NAV2: variants seen among roughly 807,000 people sequenced by gnomAD.
The protein encoded by NAV2 is neuron navigator 2, also known as helicase, APC down-regulated 1.
Under a neutral mutation model 223.2 loss-of-function variants are expected in NAV2, and 54 were observed. The observed-to-expected ratio is 0.24, with a 90% CI of 0.19 to 0.30. NAV2 has a LOEUF of 0.30. NAV2 is among the 10% of genes least tolerant of loss of function. The pLI is 1.00. For synonymous variants in NAV2, 1,279 were observed against 1,239.3 expected (o/e 1.03, Z -0.67); for missense variants, 2,806 against 3,147.5 (o/e 0.89, Z 2.60).
chr11:19,498,322 G>C (rs1045409828), intron 1 of NAV2, among the ~76,000 whole-genome samples: 1 of 152,234 alleles, frequency 6.6e-6, no homozygotes, highest in Admixed American at 6.5e-5. Flanking sequence ...GTCCCCAAAA[G>C]GGGGAGGGCA....
intron 1 of NAV2, among the ~76,000 whole-genome samples, chr11:19,457,846 G>A (rs1399352115): frequency 6.6e-6 from 1 of 152,198 alleles, no homozygotes; most frequent in Non-Finnish European, 1.5e-5. Flanking sequence ...TTGCAGATGA[G>A]TTGCAAACTC....
rs757791922 is a variant in NAV2, at chr11:20,062,319, C to T, written c.4844C>T (p.Ser1615Leu). ...RDGFEEVHGS[S>L]LSLVSSTSSV... ...TTTCTTTTAATAGTTCATGGATCCT[C>T]ACTCTCCTTGGTTTCCAGCACATCG... The change falls in exon 20 of 38, where the codon TCA (serine) becomes TTA (leucine). Residue 1615 changes from serine to leucine, a missense_variant. By Grantham distance (145) the Ser-to-Leu change is moderately radical. Around this residue, in one of 4 missense-constraint regions of NAV2, gnomAD observed 824 missense variants for 1,069.4 expected, o/e 0.77. Coordinates refer to ENST00000349880, the MANE Select transcript of NAV2 (RefSeq NM_145117.5). The T allele has an allele frequency of 1.2e-6, 2 of 1,610,690 alleles. No individual in the cohort carries two copies. The highest frequency in any genetic ancestry group is 1.7e-6 in the Non-Finnish European group (2 of 1,179,002).
chr11:20,022,550 T>C (rs961705175), intron 11 of NAV2: 8 of 985,520 alleles, frequency 8.1e-6, no homozygotes, highest in Non-Finnish European at 7.2e-6. Flanking sequence ...ATTCTCTCTG[T>C]AGGCTAATCT....
chr11:19,880,200 T>C, intron 5 of NAV2, 73 bp downstream of exon 5: 1 of 1,460,898 alleles, frequency 6.8e-7, no homozygotes, highest in Non-Finnish European at 9.1e-7. Context: ...CTCTAGGCTA[T>C]CCTGTATGGC....
At position 20,107,442 on chromosome 11, in the gene NAV2, C is replaced by G. The variant is rs1279878978; in HGVS notation, c.6842-222C>G. ...CACAGTGAGCATCTTCCCCATAAAG[C>G]CTTTCCTGGAGGAGGGAGACCCCCA... On this transcript the variant is annotated intron_variant, in intron 35 of 37. Transcript: ENST00000349880. 7 of 569,468 alleles carry G rather than the reference C, an allele frequency of 1.2e-5. No individual in the cohort carries two copies. In the Admixed American group the frequency reaches 2.0e-4, roughly 16 times the overall value. The allele number at this position is 569,468 out of a possible 1,614,324, so 35.3% of individuals were successfully genotyped here.
chr11:19,906,292 A>G (rs547673271), intron 6 of NAV2, among the ~76,000 whole-genome samples: 1 of 152,310 alleles, frequency 6.6e-6, no homozygotes, highest in African/African-American at 2.4e-5. Context: ...GAAAGAGGAC[A>G]CCAGTTTTTG....
At chr11:19,917,859 C>T (rs1258597150) in intron 6 of NAV2, among the ~76,000 whole-genome samples, 3 of 152,172 alleles carry the variant, frequency 2.0e-5, no homozygotes, top group African/African-American at 2.4e-5. Context: ...TCAGGTGATC[C>T]GCCTACCTTG....
Position 19,934,183 on chromosome 11 carries a change from A to G in NAV2, c.1939A>G (p.Thr647Ala). The G allele has an allele frequency of 6.2e-7, 1 of 1,614,002 alleles. No homozygotes were observed. Residue 647 changes from threonine (T) to alanine (A), a missense_variant, in exon 7 of 38, where the codon ACC (threonine) becomes GCC (alanine). By Grantham distance (58) the Thr-to-Ala change is moderately conservative. Coordinates refer to ENST00000349880, the MANE Select transcript of NAV2 (RefSeq NM_145117.5). ...CAGTGGGTCTGTCGGGACCACCCAG[A>G]CCACAGGAAGCAATACCGTCAGTGT... is the stretch of plus-strand genomic sequence containing the variant. ...TVSGSVGTTQ[T>A]TGSNTVSVQL...
intron 1 of NAV2, among the ~76,000 whole-genome samples, chr11:19,628,423 A>G (rs923209205): frequency 2.0e-5 from 3 of 152,230 alleles, no homozygotes; most frequent in African/African-American, 4.8e-5. Context: ...GCTCCTGGCA[A>G]TCAGGGCACA....
intron 1 of NAV2, among the ~76,000 whole-genome samples, chr11:19,382,694 G>A (rs547733419): frequency 6.6e-6 from 1 of 152,324 alleles, no homozygotes; most frequent in South Asian, 2.1e-4. Context: ...GTCAGACATT[G>A]TTCTAAGTGC....
intron 6 of NAV2, among the ~76,000 whole-genome samples, chr11:19,897,210 A>G (rs186479982): frequency 6.6e-6 from 1 of 152,180 alleles, no homozygotes; most frequent in East Asian, 1.9e-4. Flanking sequence ...AGGAAAGGGA[A>G]CATCACACAC....
chr11:19,775,649 G>A (rs953204316), intron 1 of NAV2, among the ~76,000 whole-genome samples: 1 of 152,178 alleles, frequency 6.6e-6, no homozygotes. Flanking sequence ...AAACAATGAC[G>A]ATGAGACAAC....
intron 1 of NAV2, among the ~76,000 whole-genome samples, chr11:19,779,764 C>T (rs1432053453): frequency 4.6e-5 from 7 of 152,332 alleles, no homozygotes; most frequent in Admixed American, 2.6e-4. Context: ...GTAAATGAGA[C>T]ATAATCTGTC....
chr11:20,083,408 C>G (rs888987603), intron 26 of NAV2, among the ~76,000 whole-genome samples: 2 of 152,174 alleles, frequency 1.3e-5, no homozygotes, highest in Non-Finnish European at 2.9e-5. Flanking sequence ...ACTGGTTGGC[C>G]TTAAGCGGGT....
intron 1 of NAV2, among the ~76,000 whole-genome samples, chr11:19,606,454 C>T (rs769683906): frequency 6.6e-6 from 1 of 152,130 alleles, no homozygotes; most frequent in Non-Finnish European, 1.5e-5. Flanking sequence ...CAGTGCTCCT[C>T]GCTGACCTCA....
At chr11:19,555,515 C>T (rs1332478881) in intron 1 of NAV2, among the ~76,000 whole-genome samples, 1 of 152,210 alleles carries the variant, frequency 6.6e-6, no homozygotes, top group Non-Finnish European at 1.5e-5. Flanking sequence ...AAACAACAAG[C>T]AGCAGTGAAC....
intron 6 of NAV2, among the ~76,000 whole-genome samples, chr11:19,904,161 T>C (rs2153196540): frequency 6.6e-6 from 1 of 152,302 alleles, no homozygotes; most frequent in African/African-American, 2.4e-5. Context: ...CCAGACTGTA[T>C]AGTGTGGAAT....
intron 1 of NAV2, among the ~76,000 whole-genome samples, chr11:19,805,296 CTCT>C (rs1287476573): frequency 6.6e-6 from 1 of 152,104 alleles, no homozygotes; most frequent in African/African-American, 2.4e-5. Context: ...CTTTTCAGAC[CTCT>C]TCTTATTTTT....
intron 1 of NAV2, among the ~76,000 whole-genome samples, chr11:19,649,350 C>T (rs918892303): frequency 3.3e-5 from 5 of 152,240 alleles, no homozygotes; most frequent in East Asian, 1.9e-4. Flanking sequence ...CAAATGACCT[C>T]GAGAGAATAT....
Sources: gnomAD v4.1 joint callset for allele counts (sites outside exome capture counted in the v4.1 genomes callset) on GRCh38, gnomAD v4.1.1 for gene constraint, gnomAD v4.1.1 regional missense constraint, MANE v1.5 for transcripts, NCBI Gene and HGNC (gene_info 2026-07-23, HGNC 2026-07-21) for gene names.